The following DAB2IP variants were observed in gnomAD, a reference collection of about 807,000 sequenced individuals.
The protein encoded by DAB2IP is DAB2 interacting protein, also known as disabled homolog 2-interacting protein.
Under a neutral mutation model 107.2 loss-of-function variants are expected in DAB2IP, and 28 were observed. The ratio of observed to expected loss-of-function variants is 0.26; its 90% confidence interval spans 0.19 to 0.36. The LOEUF (loss-of-function observed/expected upper bound fraction) is 0.36. Among genes scored for constraint, DAB2IP ranks in the 10% least tolerant of loss-of-function variants. The pLI, the probability that DAB2IP is intolerant of heterozygous loss-of-function variation, is 1.00. For synonymous variants in DAB2IP, 755 were observed against 706.4 expected, an observed-to-expected ratio of 1.07 and a Z score of -1.09; for missense variants, 1,400 against 1,644.7, an observed-to-expected ratio of 0.85 and a Z score of 2.57.
At chr9:121,588,720 C>T (rs1437930364) in intron 1 of DAB2IP, among the ~76,000 whole-genome samples, 1 of 151,960 alleles carries the variant, frequency 6.6e-6, no homozygotes, top group Non-Finnish European at 1.5e-5. Flanking sequence ...GCCCACCCTA[C>T]ACCTGGAGCT....
chr9:121,748,184 A>T (rs1165260676), intron 3 of DAB2IP, among the ~76,000 whole-genome samples: 1 of 152,216 alleles, frequency 6.6e-6, no homozygotes. Context: ...GAAGTAGCTC[A>T]GCGTGTGAGG....
rs1290505190 is a variant in DAB2IP, at chr9:121,582,142, A to G, written c.40+14914A>G. 2.6e-5 allele frequency among the ~76,000 whole-genome samples: 4 copies of G among 152,286 alleles called. No individual in the cohort carries two copies. In the East Asian group the frequency reaches 7.7e-4, roughly 30 times the overall value. On this transcript the variant is annotated intron_variant, in intron 1 of 16. Transcript: ENST00000259371. ...CCCGGATTCAGATAGAAAGGGCTGA[A>G]AGGGGGTTGGAAGCTAATGTGCCTG...
intron 3 of DAB2IP, among the ~76,000 whole-genome samples, chr9:121,743,526 C>G (rs970032956): frequency 5.3e-5 from 8 of 152,022 alleles, no homozygotes; most frequent in Admixed American, 4.6e-4. Context: ...CCTTTAAAAG[C>G]ACATTACAGA....
At chr9:121,686,574 T>G (rs1310330110) in intron 2 of DAB2IP, among the ~76,000 whole-genome samples, 1 of 152,138 alleles carries the variant, frequency 6.6e-6, no homozygotes, top group Non-Finnish European at 1.5e-5. Flanking sequence ...CCACTCAGGG[T>G]CTTGGGGTAC....
intron 1 of DAB2IP, among the ~76,000 whole-genome samples, chr9:121,603,198 A>G (rs1312093952): frequency 6.6e-6 from 1 of 152,010 alleles, no homozygotes; most frequent in Non-Finnish European, 1.5e-5. Flanking sequence ...TATGTTTTCA[A>G]TCTCCATCCC....
intron 14 of DAB2IP, among the ~76,000 whole-genome samples, chr9:121,780,986 C>T (rs1835583421): frequency 6.6e-6 from 1 of 152,198 alleles, no homozygotes; most frequent in African/African-American, 2.4e-5. Context: ...TAGTTAGTTA[C>T]TCGTGCCTCC....
At chr9:121,660,829 T>A (rs1400351221) in intron 1 of DAB2IP, among the ~76,000 whole-genome samples, 3 of 152,350 alleles carry the variant, frequency 2.0e-5, no homozygotes, top group African/African-American at 7.2e-5. Flanking sequence ...TTCTTTTTTT[T>A]AAACATCTAT....
intron 2 of DAB2IP, among the ~76,000 whole-genome samples, chr9:121,682,437 A>G (rs568496672): frequency 1.2e-4 from 18 of 152,322 alleles, no homozygotes; most frequent in African/African-American, 4.1e-4. Flanking sequence ...CACCTTCTCC[A>G]TGGAAACTGA....
At chr9:121,692,295 A>C (rs756610840) in intron 2 of DAB2IP, among the ~76,000 whole-genome samples, 1 of 151,990 alleles carries the variant, frequency 6.6e-6, no homozygotes, top group Non-Finnish European at 1.5e-5. Context: ...GTGTGTGCTG[A>C]TCAATGTGTA....
chr9:121,672,664 C>T (rs1450591998), intron 1 of DAB2IP, among the ~76,000 whole-genome samples: 1 of 152,114 alleles, frequency 6.6e-6, no homozygotes, highest in Non-Finnish European at 1.5e-5. Context: ...GACTAGGTGA[C>T]CGAGAGGTCA....
intron 1 of DAB2IP, among the ~76,000 whole-genome samples, chr9:121,597,478 C>T (rs1265621552): frequency 6.6e-6 from 1 of 152,156 alleles, no homozygotes; most frequent in African/African-American, 2.4e-5. Flanking sequence ...AATTTATCTA[C>T]CCTTGGGCTA....
chr9:121,667,172 GACTA>G (rs1301330743), intron 1 of DAB2IP, among the ~76,000 whole-genome samples: 1 of 151,706 alleles, frequency 6.6e-6, no homozygotes, highest in African/African-American at 2.4e-5. Context: ...CACCACGCCT[GACTA>G]ACTTTTTGTC....
In DAB2IP at chr9:121,639,769, T is replaced by C. The variant is rs545590212; in HGVS notation, c.41-38909T>C. 1.5e-4 allele frequency among the ~76,000 whole-genome samples: 23 copies of C among 152,258 alleles called. No individual in the cohort carries two copies. The South Asian group carries it at 2.3e-3, about 15-fold the overall frequency. On this transcript the variant is annotated intron_variant, in intron 1 of 16. Transcript: ENST00000259371. ...TGGACAAAGCAGATTCAGGTCTTTA[T>C]TGGGGGCTGTGGTCTCAAAGCCTGA...
intron 1 of DAB2IP, among the ~76,000 whole-genome samples, chr9:121,675,859 C>T (rs1008658851): frequency 1.3e-5 from 2 of 152,036 alleles, no homozygotes; most frequent in African/African-American, 4.8e-5. Flanking sequence ...GTGGGTGGTG[C>T]GAAGGGGTGA....
chr9:121,680,990 A>G (rs1828568583), intron 2 of DAB2IP, among the ~76,000 whole-genome samples: 1 of 151,774 alleles, frequency 6.6e-6, no homozygotes, highest in Non-Finnish European at 1.5e-5. Flanking sequence ...TGATCCTACC[A>G]CCTCGGCCTC....
intron 1 of DAB2IP, among the ~76,000 whole-genome samples, chr9:121,593,279 A>G (rs1334950203): frequency 1.3e-5 from 2 of 151,926 alleles, no homozygotes; most frequent in East Asian, 1.9e-4. Flanking sequence ...TTGTTGTTGT[A>G]TTTCTTGAGA....
chr9:121,781,115 C>G (rs757135906), intron 14 of DAB2IP, among the ~76,000 whole-genome samples: 2 of 152,184 alleles, frequency 1.3e-5, no homozygotes, highest in African/African-American at 4.8e-5. Flanking sequence ...TCAGGGCCTT[C>G]GTCTTTCCAC....
At chr9:121,686,682 T>C (rs1828895877) in intron 2 of DAB2IP, among the ~76,000 whole-genome samples, 1 of 152,118 alleles carries the variant, frequency 6.6e-6, no homozygotes, top group African/African-American at 2.4e-5. Flanking sequence ...CTCAGGCAAG[T>C]TGCCCCACTC....
At chr9:121,780,988 C>T (rs573731342) in intron 14 of DAB2IP, among the ~76,000 whole-genome samples, 54 of 152,304 alleles carry the variant, frequency 3.5e-4, no homozygotes, top group Non-Finnish European at 6.3e-4. Flanking sequence ...GTTAGTTACT[C>T]GTGCCTCCTG....
Sources: gnomAD v4.1 joint callset for allele counts (sites outside exome capture counted in the v4.1 genomes callset) on GRCh38, gnomAD v4.1.1 for gene constraint, MANE v1.5 for transcripts, NCBI Gene and HGNC (gene_info 2026-07-23, HGNC 2026-07-21) for gene names.